Variants in EPM2A observed in about 807,000 individuals in gnomAD.
The protein encoded by EPM2A is EPM2A glucan phosphatase, laforin, also known as laforin.
Under a neutral mutation model 26.5 loss-of-function variants are expected in EPM2A, and 21 were observed. That is an observed-to-expected ratio of 0.79 (90% CI 0.56 to 1.14). The LOEUF is 1.14. EPM2A is among the 50% of genes most tolerant of loss of function. The pLI, the probability that EPM2A is intolerant of heterozygous loss-of-function variation, is 0.00. For synonymous variants in EPM2A, 217 were observed against 177.6 expected (o/e 1.22, Z -1.76); for missense variants, 458 against 440.8 (o/e 1.04, Z -0.35).
At chr6:145,660,056 T>C (rs1465196982) in intron 2 of EPM2A, among the ~76,000 whole-genome samples, 3 of 151,926 alleles carry the variant, frequency 2.0e-5, no homozygotes, top group Non-Finnish European at 2.9e-5. Flanking sequence ...CTCTATTAAA[T>C]TTAATTTTTC....
intron 4 of EPM2A, among the ~76,000 whole-genome samples, chr6:145,443,318 G>A (rs1463946328): frequency 2.0e-5 from 3 of 152,130 alleles, no homozygotes; most frequent in Non-Finnish European, 4.4e-5. Context: ...AATTGCTTTG[G>A]GCAGTATAGC....
upstream of EPM2A, chr6:145,735,721 C>T (rs1256129768): frequency 4.6e-6 from 4 of 872,844 alleles, no homozygotes; most frequent in Non-Finnish European, 4.2e-6. Flanking sequence ...CTAGCTGCCT[C>T]TTTGTGCCCC....
chr6:145,638,822 T>A (rs1028215716), intron 2 of EPM2A: 15 of 152,050 alleles, frequency 9.9e-5, no homozygotes, highest in African/African-American at 3.1e-4. Context: ...GCATCCTATT[T>A]CAGTTTGTTT....
chr6:145,598,388 G>C (rs750018913), intron 2 of EPM2A, among the ~76,000 whole-genome samples: 5 of 151,990 alleles, frequency 3.3e-5, no homozygotes, highest in Non-Finnish European at 5.9e-5. Context: ...AAAAGTGTCT[G>C]TTCATGTCAT....
intron 4 of EPM2A, among the ~76,000 whole-genome samples, chr6:145,438,118 G>C (rs1779012684): frequency 6.6e-6 from 1 of 152,162 alleles, no homozygotes. Context: ...TGGGTGGACA[G>C]GCAAGGTGCT....
At chr6:145,540,474 C>A (rs962022988) in intron 2 of EPM2A, among the ~76,000 whole-genome samples, 1 of 152,106 alleles carries the variant, frequency 6.6e-6, no homozygotes, top group African/African-American at 2.4e-5. Flanking sequence ...TGGTGTGAAT[C>A]GCTAACCCAA....
chr6:145,502,827 T>C (rs1460112591), intron 2 of EPM2A, among the ~76,000 whole-genome samples: 2 of 152,238 alleles, frequency 1.3e-5, no homozygotes, highest in Non-Finnish European at 2.9e-5. Flanking sequence ...AGAAAATTAA[T>C]ATTTTGGAAT....
intron 2 of EPM2A, among the ~76,000 whole-genome samples, chr6:145,611,080 C>A (rs1341364024): frequency 6.6e-6 from 1 of 151,916 alleles, no homozygotes; most frequent in Non-Finnish European, 1.5e-5. Context: ...CTATTTCTGT[C>A]ATTAAAAACA....
At chr6:145,542,004 A>G (rs1780519064) in intron 2 of EPM2A, among the ~76,000 whole-genome samples, 1 of 152,206 alleles carries the variant, frequency 6.6e-6, no homozygotes, top group African/African-American at 2.4e-5. Context: ...TCTCAAATAA[A>G]GCATAGAATT....
At chr6:145,412,317 T>C (rs1431073853) in intron 4 of EPM2A, among the ~76,000 whole-genome samples, 1 of 152,132 alleles carries the variant, frequency 6.6e-6, no homozygotes, top group African/African-American at 2.4e-5. Context: ...ACTACATAGT[T>C]GAATATCAAA....
intron 2 of EPM2A, among the ~76,000 whole-genome samples, chr6:145,679,686 T>C (rs757213524): frequency 1.3e-5 from 2 of 152,130 alleles, no homozygotes; most frequent in Non-Finnish European, 2.9e-5. Context: ...TCATGGAATT[T>C]CACACTATTG....
intron 4 of EPM2A, chr6:145,490,595 G>A (rs1271477712): frequency 1.2e-5 from 8 of 680,748 alleles, no homozygotes; most frequent in Non-Finnish European, 2.0e-5. Flanking sequence ...TAACAATTTA[G>A]GTGCTGTTTC....
At chr6:145,474,695 G>A (rs905719749) in intron 4 of EPM2A, among the ~76,000 whole-genome samples, 17 of 152,018 alleles carry the variant, frequency 1.1e-4, no homozygotes, top group Admixed American at 1.1e-3. Context: ...CTACAGAATG[G>A]GAGAAAAATT....
At chr6:145,691,790 G>A (rs942915982) in intron 1 of EPM2A, among the ~76,000 whole-genome samples, 1 of 151,894 alleles carries the variant, frequency 6.6e-6, no homozygotes, top group African/African-American at 2.4e-5. Flanking sequence ...CTAAAAAAAT[G>A]TTCAATTATG....
chr6:145,585,238 T>C (rs1781176629), intron 2 of EPM2A, among the ~76,000 whole-genome samples: 1 of 152,174 alleles, frequency 6.6e-6, no homozygotes, highest in Non-Finnish European at 1.5e-5. Flanking sequence ...GTTCATTTTG[T>C]TTAGAGTTGA....
chr6:145,458,461 G>A (rs1273724228), intron 4 of EPM2A, among the ~76,000 whole-genome samples: 1 of 152,154 alleles, frequency 6.6e-6, no homozygotes, highest in East Asian at 1.9e-4. Context: ...AAGCAAGATG[G>A]CTTTTCCTCT....
chr6:145,689,253 G>T (rs892516577), intron 1 of EPM2A, among the ~76,000 whole-genome samples: 33 of 152,142 alleles, frequency 2.2e-4, no homozygotes, highest in Admixed American at 2.2e-3. Flanking sequence ...TCTTTTAGAG[G>T]ATGGGTTATT....
chr6:145,704,287 G>C (rs1782093942), intron 1 of EPM2A, among the ~76,000 whole-genome samples: 1 of 151,946 alleles, frequency 6.6e-6, no homozygotes, highest in Non-Finnish European at 1.5e-5. Context: ...AAACAATGAG[G>C]TACTTATTTA....
At chr6:145,462,466 A>T (rs886975655) in intron 4 of EPM2A, among the ~76,000 whole-genome samples, 4 of 152,190 alleles carry the variant, frequency 2.6e-5, no homozygotes, top group Non-Finnish European at 5.9e-5. Context: ...TTCTCAAAAG[A>T]TTAGGTATTT....
Sources: gnomAD v4.1 joint callset for allele counts (sites outside exome capture counted in the v4.1 genomes callset) on GRCh38, gnomAD v4.1.1 for gene constraint, MANE v1.5 for transcripts, NCBI Gene and HGNC (gene_info 2026-07-23, HGNC 2026-07-21) for gene names.